Variants in CLYBL observed in about 807,000 individuals in gnomAD.
The protein encoded by CLYBL is citramalyl-CoA lyase, also known as citramalyl-CoA lyase, mitochondrial.
In CLYBL, 31 loss-of-function variants were observed where a neutral mutation model predicts 38.9. The observed-to-expected ratio is 0.80, with a 90% CI of 0.60 to 1.08. The LOEUF is 1.08. CLYBL is among the 50% of genes least tolerant of loss of function. The pLI is 0.00. For missense variants in CLYBL, 434 were observed against 411.6 expected, an observed-to-expected ratio of 1.05 and a Z score of -0.47; for synonymous variants, 171 against 158.6, an observed-to-expected ratio of 1.08 and a Z score of -0.59.
chr13:99,673,798 G>A (rs925647553), intron 1 of CLYBL, among the ~76,000 whole-genome samples: 3 of 152,212 alleles, frequency 2.0e-5, no homozygotes, highest in South Asian at 2.1e-4. Flanking sequence ...TAGGAGACGA[G>A]GGTTGAAGTG....
intron 1 of CLYBL, among the ~76,000 whole-genome samples, chr13:99,681,151 G>C (rs570392796): frequency 6.6e-6 from 1 of 152,300 alleles, no homozygotes; most frequent in South Asian, 2.1e-4. Flanking sequence ...AGTGATTCTG[G>C]ATTGGATCTT....
intron 1 of CLYBL, among the ~76,000 whole-genome samples, chr13:99,748,597 A>G (rs1382441438): frequency 6.6e-6 from 1 of 150,386 alleles, no homozygotes; most frequent in Non-Finnish European, 1.5e-5. Flanking sequence ...CTGCCACTAC[A>G]CCCAGCTAAC....
chr13:99,616,987 T>C (rs572661506), intron 1 of CLYBL, among the ~76,000 whole-genome samples: 4 of 151,694 alleles, frequency 2.6e-5, no homozygotes, highest in Non-Finnish European at 5.9e-5. Context: ...AATAATAATA[T>C]AATAAAGGAA....
intron 1 of CLYBL, among the ~76,000 whole-genome samples, chr13:99,661,379 A>G (rs1344801602): frequency 6.6e-6 from 1 of 152,152 alleles, no homozygotes; most frequent in Non-Finnish European, 1.5e-5. Context: ...TCTTTTTTGT[A>G]ACAGATTGTT....
At chr13:99,664,921 T>G (rs2047458901) in intron 1 of CLYBL, among the ~76,000 whole-genome samples, 1 of 152,134 alleles carries the variant, frequency 6.6e-6, no homozygotes, top group African/African-American at 2.4e-5. Flanking sequence ...TGCCCCATAA[T>G]TATAGCATAA....
At chr13:99,829,604 TGAG>T (rs914809360) in intron 2 of CLYBL, among the ~76,000 whole-genome samples, 1 of 152,158 alleles carries the variant, frequency 6.6e-6, no homozygotes, top group African/African-American at 2.4e-5. Context: ...AGAAAGGAAG[TGAG>T]GAGAATTATT....
chr13:99,871,159 A>T, intron 7 of CLYBL, 97 bp downstream of exon 7: 2 of 1,387,474 alleles, frequency 1.4e-6, no homozygotes. Flanking sequence ...AAGAAAACTC[A>T]TCGTATCTGG....
Sources: gnomAD v4.1 joint callset for allele counts (sites outside exome capture counted in the v4.1 genomes callset) on GRCh38, gnomAD v4.1.1 for gene constraint, MANE v1.5 for transcripts, NCBI Gene and HGNC (gene_info 2026-07-23, HGNC 2026-07-21) for gene names.